GREB1: variants seen among roughly 807,000 people sequenced by gnomAD.
The protein encoded by GREB1 is protein GREB1.
Under a neutral mutation model 200.7 loss-of-function variants are expected in GREB1, and 106 were observed. The ratio of observed to expected loss-of-function variants is 0.53; its 90% CI spans 0.45 to 0.62. The LOEUF (loss-of-function observed/expected upper bound fraction) is 0.62, where lower values mean the gene tolerates loss of function less well. Among genes scored for constraint, GREB1 ranks in the 20% least tolerant of loss-of-function variants. The pLI is 0.00. For synonymous variants in GREB1, 1,132 were observed against 1,092.4 expected (o/e 1.04, Z -0.72); for missense variants, 2,243 against 2,556.8 (o/e 0.88, Z 2.65).
At chr2:11,635,935 C>A (rs533342836) in intron 30 of GREB1, among the ~76,000 whole-genome samples, 1 of 152,178 alleles carries the variant, frequency 6.6e-6, no homozygotes, top group Non-Finnish European at 1.5e-5. Flanking sequence ...TGTCTCTGCC[C>A]GAAGTTCTCC....
At chr2:11,581,585 G>A (rs544939093) in intron 7 of GREB1, among the ~76,000 whole-genome samples, 7 of 152,278 alleles carry the variant, frequency 4.6e-5, no homozygotes, top group South Asian at 2.1e-4. Context: ...AGCTGTGAAC[G>A]GGCGGAGCAA....
chr2:11,587,260 A>C (rs1680207091), intron 9 of GREB1: 2 of 773,980 alleles, frequency 2.6e-6, no homozygotes, highest in Non-Finnish European at 4.5e-6. Flanking sequence ...TGCCTTCTCC[A>C]TGAAGTTGTC....
At chr2:11,495,245 C>T (rs1672855250) in intron 1 of GREB1, among the ~76,000 whole-genome samples, 1 of 152,180 alleles carries the variant, frequency 6.6e-6, no homozygotes, top group Non-Finnish European at 1.5e-5. Context: ...TTTGTGCCAA[C>T]ATTTTACATT....
At chr2:11,484,929 T>C (rs1672616722) in intron 1 of GREB1, among the ~76,000 whole-genome samples, 1 of 152,144 alleles carries the variant, frequency 6.6e-6, no homozygotes, top group South Asian at 2.1e-4. Flanking sequence ...CACTGCAAGC[T>C]CCGCCTCCCG....
At chr2:11,585,695 G>T (rs1378509708) in intron 8 of GREB1, 67 bp from the exon 9 acceptor site, 4 of 1,576,086 alleles carry the variant, frequency 2.5e-6, no homozygotes, top group Non-Finnish European at 2.6e-6. Context: ...TGGCTGGCCT[G>T]ATGTCAGGTA....
intron 1 of GREB1, among the ~76,000 whole-genome samples, chr2:11,510,264 G>A (rs554828679): frequency 1.3e-5 from 2 of 152,338 alleles, no homozygotes; most frequent in South Asian, 2.1e-4. Flanking sequence ...GTGATGGTAT[G>A]TACCTTATAT....
chr2:11,626,698 G>T (rs1302005467), intron 24 of GREB1, among the ~76,000 whole-genome samples: 3 of 152,204 alleles, frequency 2.0e-5, no homozygotes, highest in Non-Finnish European at 2.9e-5. Flanking sequence ...TTACATAGGT[G>T]CTGATGAAAT....
intron 1 of GREB1, among the ~76,000 whole-genome samples, chr2:11,542,525 A>G (rs1674856735): frequency 6.7e-6 from 1 of 149,550 alleles, no homozygotes; most frequent in African/African-American, 2.5e-5. Flanking sequence ...GCATTTAGCA[A>G]CTCAGTCCCT....
At chr2:11,541,201 G>T (rs949987930) in intron 1 of GREB1, among the ~76,000 whole-genome samples, 14 of 152,324 alleles carry the variant, frequency 9.2e-5, no homozygotes, top group Admixed American at 5.9e-4. Context: ...TGGAACCCCA[G>T]GTGGGAGGGT....
At chr2:11,531,046 T>G (rs1015200588), upstream of GREB1, among the ~76,000 whole-genome samples, 1 of 151,934 alleles carries the variant, frequency 6.6e-6, no homozygotes, top group African/African-American at 2.4e-5. Context: ...GGAGAAAGAG[T>G]TCCCTAGGTA....
At chr2:11,618,230 G>GCCAC in intron 21 of GREB1, 58 bp from the exon 22 acceptor site, 2 of 1,470,106 alleles carry the variant, frequency 1.4e-6, no homozygotes, top group South Asian at 1.4e-5. Context: ...CCTGGGATGG[G>GCCAC]TGACTCCTGG....
At position 11,592,878 on chromosome 2, in the gene GREB1, C is replaced by A; in HGVS notation, c.1448C>A (p.Pro483Gln). 1 of 1,600,302 alleles carries A rather than the reference C, an allele frequency of 6.2e-7. No homozygotes were observed. The highest frequency in any genetic ancestry group is 8.5e-7 in the Non-Finnish European group (1 of 1,174,896). The change falls in exon 11 of 33, where the codon CCG (proline) becomes CAG (glutamine). Residue 483 changes from proline (P) to glutamine (Q), a missense_variant. This residue lies in a region of GREB1 where 1,178 missense variants were observed against 1,387.4 expected (regional missense o/e 0.85). Transcript: ENST00000381486. Reference protein sequence around the residue: ...TEIRQYQQAPPQPFPPAPSAA... With the variant: ...TEIRQYQQAPQQPFPPAPSAA... ...ATCCGGCAGTACCAGCAGGCGCCGCCGCAGCCCTTCCCGCCCGCGCCCAGC... is the reference window on the plus strand; with the variant it reads ...ATCCGGCAGTACCAGCAGGCGCCGCAGCAGCCCTTCCCGCCCGCGCCCAGC...
At position 11,604,658 on chromosome 2, in the gene GREB1, G is replaced by A. The variant is rs553518067; in HGVS notation, c.2666+2116G>A. ...TTTTATAATTGTGGGAACTGAAGCC[G>A]AGTGGGAGAGTGATTTGCCCGACTT... On this transcript the variant is annotated intron_variant, in intron 17 of 32. Transcript: ENST00000381486. Among the ~76,000 whole-genome samples the A allele has an allele frequency of 3.9e-5, 6 of 152,304 alleles. No individual in the cohort carries two copies. In the South Asian group the frequency reaches 1.0e-3, roughly 26 times the overall value.
At position 11,618,736 on chromosome 2, in the gene GREB1, C is replaced by A. The variant is rs746823655; in HGVS notation, c.3861C>A (p.Pro1287=). Reference sequence around the variant, plus strand: ...AGGCCGCCTCCCTCCTGCCCTCCCCCTCGGTCATGTGGGCCAGCTCTTTCC... The same window carrying A: ...AGGCCGCCTCCCTCCTGCCCTCCCCATCGGTCATGTGGGCCAGCTCTTTCC... ...LPKAASLLPS[P]SVMWASSFRP... Residue 1287 remains proline, a synonymous_variant, in exon 22 of 33, where the codon CCC becomes CCA. Coordinates refer to ENST00000381486, the MANE Select transcript of GREB1 (RefSeq NM_014668.4). 6.2e-7 allele frequency: 1 copy of A among 1,613,524 alleles called. No homozygotes were observed. The highest frequency in any genetic ancestry group is 1.1e-5 in the South Asian group (1 of 91,020).
At chr2:11,527,242 G>T (rs1558502537) in intron 1 of GREB1, among the ~76,000 whole-genome samples, 1 of 152,126 alleles carries the variant, frequency 6.6e-6, no homozygotes, top group African/African-American at 2.4e-5. Context: ...AAAAAAATGG[G>T]GAAGTGATAA....
At chr2:11,626,537 G>A (rs1258892228) in intron 24 of GREB1, among the ~76,000 whole-genome samples, 4 of 152,192 alleles carry the variant, frequency 2.6e-5, no homozygotes, top group Admixed American at 6.5e-5. Context: ...GCAGTGAGCT[G>A]AGATTGTGCC....
At chr2:11,539,320 G>C (rs1353689658) in intron 1 of GREB1, among the ~76,000 whole-genome samples, 2 of 151,896 alleles carry the variant, frequency 1.3e-5, no homozygotes, top group Admixed American at 6.6e-5. Flanking sequence ...CACAGTGCTG[G>C]GATTACAGGT....
chr2:11,570,879 C>A (rs1373871054), intron 4 of GREB1, among the ~76,000 whole-genome samples: 1 of 152,108 alleles, frequency 6.6e-6, no homozygotes, highest in Non-Finnish European at 1.5e-5. Flanking sequence ...CTATTTACCA[C>A]CCCTGAGTGC....
intron 1 of GREB1, among the ~76,000 whole-genome samples, chr2:11,546,171 C>T (rs1045477970): frequency 2.3e-5 from 3 of 131,162 alleles, no homozygotes; most frequent in Admixed American, 8.0e-5. Context: ...AGCGAGATTC[C>T]GTCTCAAAAA....
Sources: allele counts gnomAD v4.1 joint callset (sites outside exome capture counted in the v4.1 genomes callset), GRCh38; gene constraint gnomAD v4.1.1; regional missense constraint gnomAD v4.1.1; transcripts MANE v1.5; gene names NCBI Gene and HGNC (gene_info 2026-07-23, HGNC 2026-07-21).